The following MAP3K13 variants were observed in gnomAD, a reference collection of about 807,000 sequenced individuals.
MAP3K13 encodes the protein leucine zipper-bearing kinase.
Under a neutral mutation model 104.0 loss-of-function variants are expected in MAP3K13, and 52 were observed. The ratio of observed to expected loss-of-function variants is 0.50; its 90% CI spans 0.40 to 0.63. MAP3K13 has a LOEUF of 0.63. Among genes scored for constraint, MAP3K13 ranks in the 20% least tolerant of loss-of-function variants. The pLI is 0.00. For missense variants in MAP3K13, 914 were observed against 1,218.5 expected, an observed-to-expected ratio of 0.75 and a Z score of 3.72; for synonymous variants, 394 against 442.2, an observed-to-expected ratio of 0.89 and a Z score of 1.37.
At chr3:185,437,099 G>A (rs769511616) in intron 2 of MAP3K13, among the ~76,000 whole-genome samples, 21 of 151,788 alleles carry the variant, frequency 1.4e-4, no homozygotes, top group Admixed American at 1.3e-4. Flanking sequence ...CCGATAGTGG[G>A]TGATGGGGTA....
rs1176770147 is a variant in MAP3K13 at position 185,483,711 on chromosome 3, CTTT to C, written c.*1273_*1275del. On this transcript the variant is annotated 3_prime_UTR_variant, in exon 14 of 14. Coordinates refer to ENST00000265026, the MANE Select transcript of MAP3K13 (RefSeq NM_004721.5). The stretch of plus-strand genomic sequence containing the variant: ...AATAACTCATTCTATCTTAGAAGTT[CTTT>C]TTTTTTTTTTTTTTTTTGACAGAGT... 1.1e-4 allele frequency: 6 copies of C among 54,854 alleles called. No homozygotes were observed. The highest frequency in any genetic ancestry group is 4.0e-4 in the African/African-American group (6 of 14,990). The allele number at this position is 54,854 out of a possible 1,614,324, so 3.4% of individuals were successfully genotyped here. A position where few individuals can be genotyped will look rare whatever the true frequency, so the allele number is the denominator to read the frequency against.
In MAP3K13 at chr3:185,454,700, TATATATC is replaced by T. The variant is rs1454401680; in HGVS notation, c.1278+3312_1278+3318del. Among the ~76,000 whole-genome samples the T allele has an allele frequency of 2.8e-3, 75 of 26,578 alleles. 29 individuals carry two copies. The highest frequency in any genetic ancestry group is 8.5e-3 in the Non-Finnish European group (62 of 7,288). The allele number at this position is 26,578 out of a possible 152,430, so 17.4% of individuals were successfully genotyped here. A position where few individuals can be genotyped will look rare whatever the true frequency, so the allele number is the denominator to read the frequency against. ...ATTTATATGATATATATATGAGATA[TATATATC>T]ATATATGAGATATATATGATATATA... On this transcript the variant is annotated intron_variant, in intron 7 of 13. Transcript: ENST00000265026.
intron 1 of MAP3K13, among the ~76,000 whole-genome samples, chr3:185,402,888 T>C (rs1712896777): frequency 2.0e-5 from 3 of 152,202 alleles, no homozygotes; most frequent in Admixed American, 2.0e-4. Context: ...CAGCTGCTGT[T>C]CAATTCCCCC....
intron 7 of MAP3K13, among the ~76,000 whole-genome samples, chr3:185,459,966 A>G (rs1560124157): frequency 6.6e-6 from 1 of 152,050 alleles, no homozygotes. Flanking sequence ...GAATAGTACA[A>G]TATTTGTTCG....
In MAP3K13 at chr3:185,480,482, A is replaced by G; in HGVS notation, c.2752A>G (p.Thr918Ala). 1 of 1,614,034 alleles carries G rather than the reference A, an allele frequency of 6.2e-7. No individual in the cohort carries two copies. Among genetic ancestry groups the G allele is most frequent in the Non-Finnish European group, 8.5e-7 (1 of 1,180,004 alleles). Residue 918 changes from threonine (T) to alanine (A), a missense_variant, in exon 13 of 14, where the codon ACT (threonine) becomes GCT (alanine). Transcript: ENST00000265026. ...DKECAVRRVK[T>A]QMSLGKLCVE... ...GGAGTGTGCCGTGCGCCGTGTGAAG[A>G]CTCAGATGTCTCTGGGCAAGCTGTG...
chr3:185,476,213 A>AC (rs1718116183), intron 11 of MAP3K13, among the ~76,000 whole-genome samples: 1 of 151,994 alleles, frequency 6.6e-6, no homozygotes, highest in African/African-American at 2.4e-5. Flanking sequence ...TAGAACACAC[A>AC]CCTTGTACAT....
At chr3:185,312,547 A>G (rs1183012835) in intron 2 of MAP3K13, among the ~76,000 whole-genome samples, 3 of 152,188 alleles carry the variant, frequency 2.0e-5, no homozygotes, top group African/African-American at 7.2e-5. Flanking sequence ...CAATGCAGAG[A>G]TTTCCCACTT....
intron 7 of MAP3K13, among the ~76,000 whole-genome samples, chr3:185,455,685 T>TATGAG (rs1716616092): frequency 2.4e-4 from 7 of 29,464 alleles, no homozygotes; most frequent in Middle Eastern, 0.056. Flanking sequence ...ATATGAGATA[T>TATGAG]ATATATGATA....
chr3:185,318,944 T>C (rs1721766994), intron 2 of MAP3K13, among the ~76,000 whole-genome samples: 1 of 152,212 alleles, frequency 6.6e-6, no homozygotes, highest in African/African-American at 2.4e-5. Context: ...TTCTATACTT[T>C]TCTTGTACCC....
intron 2 of MAP3K13, among the ~76,000 whole-genome samples, chr3:185,437,096 TG>T (rs1213798669): frequency 7.1e-6 from 1 of 141,192 alleles, no homozygotes; most frequent in African/African-American, 2.6e-5. Flanking sequence ...ACACCGATAG[TG>T]GGTGATGGGG....
intron 1 of MAP3K13, among the ~76,000 whole-genome samples, chr3:185,392,270 G>T (rs1712106173): frequency 6.6e-6 from 1 of 152,174 alleles, no homozygotes; most frequent in Admixed American, 6.5e-5. Context: ...TAGCAGAGGA[G>T]ATCATTAAAG....
At chr3:185,417,988 T>A in intron 1 of MAP3K13, 6 of 1,610,808 alleles carry the variant, frequency 3.7e-6, no homozygotes, top group Non-Finnish European at 5.1e-6. Context: ...CCAAGTGCCA[T>A]ACAATTCATC....
chr3:185,379,100 C>T (rs13068731), intron 1 of MAP3K13, among the ~76,000 whole-genome samples: 26,962 of 152,038 alleles, frequency 0.18, 2,565 homozygotes, highest in Non-Finnish European at 0.21. Context: ...CAGGCTGCAG[C>T]GTGGGTGAGC....
intron 3 of MAP3K13, among the ~76,000 whole-genome samples, 162 bp from the exon 4 acceptor site, chr3:185,443,283 A>G (rs567573766): frequency 6.6e-6 from 1 of 152,346 alleles, no homozygotes; most frequent in South Asian, 2.1e-4. Flanking sequence ...AAACCTGTAG[A>G]CTAGAGAAGT....
Position 185,410,971 on chromosome 3 carries a change from T to G in MAP3K13, c.-85-17526T>G, listed in dbSNP as rs139382087. 4.7e-3 allele frequency among the ~76,000 whole-genome samples: 711 copies of G among 151,878 alleles called. 7 individuals are homozygous for G. Among genetic ancestry groups the G allele is most frequent in the African/African-American group, 0.016 (660 of 41,412 alleles). ...AAAAGGTTCAGCATATGAATAAGAT[T>G]CTTTCATGGAATATTAAGAGAAGTA... On this transcript the variant is annotated intron_variant, in intron 1 of 13. Transcript: ENST00000265026.
At chr3:185,390,147 C>T (rs1198683792) in intron 1 of MAP3K13, among the ~76,000 whole-genome samples, 1 of 152,102 alleles carries the variant, frequency 6.6e-6, no homozygotes, top group Admixed American at 6.6e-5. Context: ...CAGAGGTCCC[C>T]AGGAGTTCCC....
Position 185,400,905 on chromosome 3 carries a change from G to T in MAP3K13, c.-85-27592G>T, listed in dbSNP as rs201701077. Among the ~76,000 whole-genome samples, 668 of 107,244 alleles carry T rather than the reference G, an allele frequency of 6.2e-3. 9 individuals are homozygous for T. Among genetic ancestry groups the T allele is most frequent in the African/African-American group, 0.019 (532 of 27,610 alleles). The allele number at this position is 107,244 out of a possible 152,430, so 70.4% of individuals were successfully genotyped here. Reference sequence around the variant, plus strand: ...TTAGGATAATTCTGGGTGTTTGTTTGTTTTTTTTTTTTTTTTTGTCTTCTT... The same window carrying T: ...TTAGGATAATTCTGGGTGTTTGTTTTTTTTTTTTTTTTTTTTTGTCTTCTT... On this transcript the variant is annotated intron_variant, in intron 1 of 13. Transcript: ENST00000265026.
rs1174572977 is a variant in MAP3K13, at chr3:185,450,672, C to T, written c.1169+614C>T. Among the ~76,000 whole-genome samples, 2 of 152,014 alleles carry T rather than the reference C, an allele frequency of 1.3e-5. No homozygotes were observed. Among genetic ancestry groups the T allele is most frequent in the African/African-American group, 2.4e-5 (1 of 41,406 alleles). ...CTGCAGGGCCAGGCATGGTGGCTCA[C>T]GCCTGTAATCCCAACACTTTGGGAG... is the stretch of plus-strand genomic sequence containing the variant. On this transcript the variant is annotated intron_variant, in intron 6 of 13. Coordinates refer to ENST00000265026, the MANE Select transcript of MAP3K13 (RefSeq NM_004721.5). This position sits in a 1 kb window ranked among gnomAD's most constrained non-coding sequence, Gnocchi z 4.2.
intron 7 of MAP3K13, among the ~76,000 whole-genome samples, chr3:185,459,958 A>G (rs1276268070): frequency 9.9e-5 from 15 of 152,146 alleles, no homozygotes; most frequent in Non-Finnish European, 2.9e-5. Flanking sequence ...TTTAAGTAGA[A>G]TAGTACAATA....
Sources: gnomAD v4.1 joint callset for allele counts (sites outside exome capture counted in the v4.1 genomes callset) on GRCh38, gnomAD v4.1.1 for gene constraint, Gnocchi (gnomAD v3.1) non-coding constraint, MANE v1.5 for transcripts, NCBI Gene and HGNC (gene_info 2026-07-23, HGNC 2026-07-21) for gene names.